The following ARB2A variants were observed in gnomAD, a reference collection of about 807,000 sequenced individuals.
ARB2A encodes ARB2 cotranscriptional regulator A.
At chr5:93,758,054 CGTTT>C in the ARB2A span, among the ~76,000 whole-genome samples, 2 of 152,060 alleles carry the variant, frequency 1.3e-5, no homozygotes, top group Non-Finnish European at 2.9e-5. Flanking sequence ...TAGAAAACAG[CGTTT>C]CATGCAAATG....
chr5:94,044,900 C>G, the ARB2A span, among the ~76,000 whole-genome samples: 126 of 151,978 alleles, frequency 8.3e-4, no homozygotes, highest in Middle Eastern at 3.4e-3. Flanking sequence ...GGTGGATCAC[C>G]TGAGGTCACG....
At chr5:93,731,027 C>T in the ARB2A span, among the ~76,000 whole-genome samples, 6 of 152,108 alleles carry the variant, frequency 3.9e-5, no homozygotes, top group Non-Finnish European at 8.8e-5. Flanking sequence ...ATACTCTTTC[C>T]TTTCCATCAT....
At chr5:93,782,043 C>G in the ARB2A span, 7 of 412,974 alleles carry the variant, frequency 1.7e-5, no homozygotes, top group Non-Finnish European at 2.3e-5. Context: ...CCAACCCACA[C>G]TGTAATCTTC....
the ARB2A span, chr5:93,620,711 AGCCAG>A: frequency 3.1e-6 from 1 of 320,960 alleles, no homozygotes; most frequent in Non-Finnish European, 5.6e-6. Context: ...TCGCCGGCCG[AGCCAG>A]GCAGGGCGCT....
the ARB2A span, among the ~76,000 whole-genome samples, chr5:93,672,636 A>C: frequency 6.6e-6 from 1 of 152,166 alleles, no homozygotes; most frequent in Non-Finnish European, 1.5e-5. Flanking sequence ...GTGCATTAAA[A>C]AATTTAAGCT....
chr5:93,981,508 TA>T, the ARB2A span, among the ~76,000 whole-genome samples: 1 of 152,066 alleles, frequency 6.6e-6, no homozygotes, highest in Admixed American at 6.5e-5. Flanking sequence ...TAACTATTTT[TA>T]ATCATTTATT....
the ARB2A span, chr5:93,861,622 A>G: frequency 6.8e-6 from 1 of 147,964 alleles, no homozygotes; most frequent in East Asian, 1.9e-4. Context: ...AACGTCTCTG[A>G]AAAAAAAATC....
the ARB2A span, among the ~76,000 whole-genome samples, chr5:93,919,926 G>A: frequency 6.6e-6 from 1 of 152,042 alleles, no homozygotes; most frequent in Non-Finnish European, 1.5e-5. Context: ...AATTGATTAT[G>A]AGCTTATTTT....
At chr5:93,922,820 C>A in the ARB2A span, among the ~76,000 whole-genome samples, 1 of 152,004 alleles carries the variant, frequency 6.6e-6, no homozygotes, top group African/African-American at 2.4e-5. Flanking sequence ...CGGAAGCTTT[C>A]CAATTATTCA....
the ARB2A span, among the ~76,000 whole-genome samples, chr5:94,007,234 C>T: frequency 6.6e-6 from 1 of 151,890 alleles, no homozygotes; most frequent in African/African-American, 2.4e-5. Flanking sequence ...AAAAATTAAC[C>T]CATCTCTTAT....
chr5:93,692,272 C>T, the ARB2A span, among the ~76,000 whole-genome samples: 4 of 152,072 alleles, frequency 2.6e-5, no homozygotes, highest in African/African-American at 9.7e-5. Context: ...GGGCTGTATT[C>T]GGGAGACCCA....
At chr5:94,053,236 G>T in the ARB2A span, 1 of 1,317,760 alleles carries the variant, frequency 7.6e-7, no homozygotes, top group South Asian at 1.4e-5. Flanking sequence ...ATCTAGAAAA[G>T]AAATGATATG....
At chr5:94,011,775 CAGAA>C in the ARB2A span, among the ~76,000 whole-genome samples, 104 of 150,310 alleles carry the variant, frequency 6.9e-4, no homozygotes, top group African/African-American at 2.0e-3. Context: ...TAGTCCAGAG[CAGAA>C]AGAGACAGGA....
chr5:93,854,681 A>G, the ARB2A span, among the ~76,000 whole-genome samples: 1 of 152,238 alleles, frequency 6.6e-6, no homozygotes, highest in Non-Finnish European at 1.5e-5. Flanking sequence ...GTTTCAAAGA[A>G]CATCTTTATT....
At chr5:93,652,434 G>A in the ARB2A span, among the ~76,000 whole-genome samples, 1 of 152,202 alleles carries the variant, frequency 6.6e-6, no homozygotes, top group Admixed American at 6.5e-5. Flanking sequence ...AAAGTGATCT[G>A]GATTTCTGTC....
At chr5:93,734,079 T>G in the ARB2A span, 6 of 152,192 alleles carry the variant, frequency 3.9e-5, no homozygotes, top group Non-Finnish European at 5.9e-5. Context: ...AGATCATGCT[T>G]TGAAATAAGG....
At chr5:93,622,566 C>T in the ARB2A span, among the ~76,000 whole-genome samples, 1 of 152,206 alleles carries the variant, frequency 6.6e-6, no homozygotes, top group Non-Finnish European at 1.5e-5. Flanking sequence ...GCTGTGGGAG[C>T]TGGCCCTACT....
chr5:93,922,664 A>AAGGGAGGGAGGGAGGGAGGG, the ARB2A span, among the ~76,000 whole-genome samples: 1 of 31,782 alleles, frequency 3.1e-5, no homozygotes, highest in African/African-American at 1.3e-4. Context: ...GGGAGGGAGG[A>AAGGGAGGGAGGGAGGGAGGG]AGGGAGGGAG....
chr5:93,928,287 T>C, the ARB2A span, among the ~76,000 whole-genome samples: 20 of 152,164 alleles, frequency 1.3e-4, no homozygotes, highest in African/African-American at 2.2e-4. Flanking sequence ...ATTAGTTTGA[T>C]TGAAGTATTT....
Sources: gnomAD v4.1 joint callset for allele counts (sites outside exome capture counted in the v4.1 genomes callset) on GRCh38, gnomAD v4.1.1 for gene constraint, MANE v1.5 for transcripts, NCBI Gene and HGNC (gene_info 2026-07-23, HGNC 2026-07-21) for gene names.